Variants in YTHDC1 observed in about 807,000 individuals in gnomAD.
YTHDC1 encodes YTH N6-methyladenosine RNA binding protein C1.
Under a neutral mutation model 107.0 loss-of-function variants are expected in YTHDC1, and 12 were observed. That is an observed-to-expected ratio of 0.11 (90% CI 0.07 to 0.18). The LOEUF (loss-of-function observed/expected upper bound fraction) is 0.18, where lower values mean the gene tolerates loss of function less well. YTHDC1 is among the 10% of genes least tolerant of loss of function. YTHDC1 has a pLI of 1.00. For missense variants in YTHDC1, 635 were observed against 898.8 expected, an observed-to-expected ratio of 0.71 and a Z score of 3.75; for synonymous variants, 280 against 289.5, an observed-to-expected ratio of 0.97 and a Z score of 0.33.
chr4:68,323,309 T>C (rs548253563), intron 10 of YTHDC1, among the ~76,000 whole-genome samples: 4 of 152,360 alleles, frequency 2.6e-5, no homozygotes, highest in African/African-American at 9.6e-5. Context: ...ACTAAGTGTA[T>C]TGAAATACAT....
intron 1 of YTHDC1, among the ~76,000 whole-genome samples, chr4:68,342,167 C>T (rs1724876642): frequency 6.6e-6 from 1 of 152,104 alleles, no homozygotes; most frequent in Non-Finnish European, 1.5e-5. Context: ...TTCATTATGG[C>T]TCATGGTTCC....
chr4:68,325,226 A>G (rs1044199417), intron 9 of YTHDC1, among the ~76,000 whole-genome samples: 3 of 152,222 alleles, frequency 2.0e-5, no homozygotes, highest in Non-Finnish European at 4.4e-5. Context: ...ATAAGCACAC[A>G]CAATTTTCAA....
intron 16 of YTHDC1, 50 bp from the exon 17 acceptor site, chr4:68,314,373 T>C: frequency 6.6e-7 from 1 of 1,515,802 alleles, no homozygotes; most frequent in Non-Finnish European, 8.9e-7. Context: ...CAAATAGTGT[T>C]AAGTGGATCC....
At chr4:68,338,821 G>T (rs1241170753) in intron 1 of YTHDC1, among the ~76,000 whole-genome samples, 4 of 152,184 alleles carry the variant, frequency 2.6e-5, no homozygotes, top group African/African-American at 9.7e-5. Flanking sequence ...CTGCATTCCA[G>T]CCTGGGCGAT....
rs757519579 is a variant in YTHDC1, at chr4:68,332,215, C to A, written c.1028-18G>T. 1.3e-6 allele frequency: 2 copies of A among 1,544,214 alleles called. No individual in the cohort carries two copies. The highest frequency in any genetic ancestry group is 8.8e-7 in the Non-Finnish European group (1 of 1,132,020). On this transcript the variant is annotated intron_variant, in intron 6 of 16. Transcript: ENST00000344157. ...GGTTTGATCTGAAAAAAAAAGAAAC[C>A]CAAATCGATTAACCACAAGCCATTA...
intron 4 of YTHDC1, among the ~76,000 whole-genome samples, chr4:68,334,197 T>A (rs1366453039): frequency 6.6e-6 from 1 of 152,170 alleles, no homozygotes; most frequent in African/African-American, 2.4e-5. Flanking sequence ...AGTTTTACCA[T>A]GATAAGCTCC....
At chr4:68,327,247 A>C (rs1442452782) in intron 9 of YTHDC1, among the ~76,000 whole-genome samples, 4 of 152,122 alleles carry the variant, frequency 2.6e-5, no homozygotes, top group Non-Finnish European at 4.4e-5. Context: ...AAAAGAAAAG[A>C]AAAGAAAAAT....
chr4:68,326,560 TA>T, intron 9 of YTHDC1, among the ~76,000 whole-genome samples: 1 of 152,144 alleles, frequency 6.6e-6, no homozygotes, highest in Admixed American at 6.5e-5. Context: ...GTTCTGCAAA[TA>T]GGGCAAATTT....
chr4:68,316,645 T>C (rs1721890371), intron 15 of YTHDC1, among the ~76,000 whole-genome samples, 197 bp from the exon 16 acceptor site: 1 of 152,218 alleles, frequency 6.6e-6, no homozygotes, highest in African/African-American at 2.4e-5. Context: ...ATGTTTATGC[T>C]TTTCTACTCC....
At chr4:68,344,901 C>T (rs991973124) in intron 1 of YTHDC1, among the ~76,000 whole-genome samples, 2 of 151,884 alleles carry the variant, frequency 1.3e-5, no homozygotes, top group Non-Finnish European at 2.9e-5. Flanking sequence ...TGGTGTGCAC[C>T]GCACCTGTAG....
Position 68,343,525 on chromosome 4 carries a change from A to T in YTHDC1, c.29-5141T>A, listed in dbSNP as rs796902938. On this transcript the variant is annotated intron_variant, in intron 1 of 16. Transcript: ENST00000344157. ...CCTTAAAAAATCACTTAAAATCTTT[A>T]AAAAAAAAAAAAAAAAAATTTTTTT... Among the ~76,000 whole-genome samples, 1,657 of 80,988 alleles carry T rather than the reference A, an allele frequency of 0.02. 118 individuals are homozygous for T. The East Asian group carries it at 0.25, about 12-fold the overall frequency. The allele number at this position is 80,988 out of a possible 152,430, so 53.1% of individuals were successfully genotyped here.
At chr4:68,332,712 A>C in intron 6 of YTHDC1, 82 bp downstream of exon 6, 1 of 1,247,540 alleles carries the variant, frequency 8.0e-7, no homozygotes, top group East Asian at 2.4e-5. Flanking sequence ...CTACATTAAA[A>C]GCAGCTATTA....
intron 1 of YTHDC1, among the ~76,000 whole-genome samples, chr4:68,348,925 T>C (rs1725749022): frequency 1.3e-5 from 2 of 152,232 alleles, no homozygotes; most frequent in South Asian, 4.1e-4. Context: ...ATCTAGGACC[T>C]ACATTAATAT....
At chr4:68,335,940 C>T (rs1348158136) in intron 4 of YTHDC1, among the ~76,000 whole-genome samples, 2 of 149,816 alleles carry the variant, frequency 1.3e-5, no homozygotes, top group East Asian at 4.0e-4. Flanking sequence ...TAGAAAATAA[C>T]TGGCCATCTG....
At chr4:68,324,918 TAA>T (rs970480617) in intron 9 of YTHDC1, among the ~76,000 whole-genome samples, 4 of 152,178 alleles carry the variant, frequency 2.6e-5, no homozygotes, top group Non-Finnish European at 4.4e-5. Flanking sequence ...TCACCAAACT[TAA>T]AAAGATATCC....
intron 1 of YTHDC1, chr4:68,344,221 A>G (rs755716503): frequency 6.6e-6 from 1 of 152,088 alleles, no homozygotes; most frequent in Non-Finnish European, 1.5e-5. Context: ...AAAAAAAAAA[A>G]AACAAACTCA....
At chr4:68,323,245 G>C (rs1352011983) in intron 10 of YTHDC1, among the ~76,000 whole-genome samples, 1 of 149,506 alleles carries the variant, frequency 6.7e-6, no homozygotes. Context: ...TAATACAATG[G>C]AAAAAAAAAA....
At chr4:68,345,507 T>G (rs753308020) in intron 1 of YTHDC1, among the ~76,000 whole-genome samples, 2 of 152,184 alleles carry the variant, frequency 1.3e-5, no homozygotes, top group Non-Finnish European at 2.9e-5. Flanking sequence ...CGTTGTACAT[T>G]TAGACCAGTT....
chr4:68,347,093 T>C (rs1725533532), intron 1 of YTHDC1, among the ~76,000 whole-genome samples: 1 of 152,162 alleles, frequency 6.6e-6, no homozygotes, highest in Non-Finnish European at 1.5e-5. Context: ...TGAAACACAA[T>C]TACTGTATAC....
Sources: gnomAD v4.1 joint callset for allele counts (sites outside exome capture counted in the v4.1 genomes callset) on GRCh38, gnomAD v4.1.1 for gene constraint, MANE v1.5 for transcripts, NCBI Gene and HGNC (gene_info 2026-07-23, HGNC 2026-07-21) for gene names.